Variants in TLK1 observed in about 807,000 individuals in gnomAD.
TLK1 encodes serine/threonine-protein kinase tousled-like 1.
In TLK1, 24 loss-of-function variants were observed where a neutral mutation model predicts 105.3. That is an observed-to-expected ratio of 0.23 (90% confidence interval 0.17 to 0.32). The LOEUF is 0.32. TLK1 is among the 10% of genes least tolerant of loss of function. The probability of loss-of-function intolerance (pLI) is 1.00; values close to 1 mark genes in which losing one functional copy is unlikely to be tolerated. For missense variants in TLK1, 558 were observed against 910.5 expected (o/e 0.61, Z 4.98); for synonymous variants, 321 against 310.4 (o/e 1.03, Z -0.36).
At chr2:171,138,449 T>C (rs1691431236) in intron 1 of TLK1, among the ~76,000 whole-genome samples, 1 of 152,188 alleles carries the variant, frequency 6.6e-6, no homozygotes, top group South Asian at 2.1e-4. Flanking sequence ...GATGGCAGCA[T>C]TTGGAGGACA....
In TLK1 at chr2:171,055,119, A is replaced by C; in HGVS notation, c.603T>G (p.Ile201Met). The change falls in exon 7 of 21, where the codon ATT becomes ATG. Residue 201 changes from isoleucine to methionine, a missense_variant. Ile to Met is a conservative substitution (Grantham distance 10). Around this residue, in one of 5 missense-constraint regions of TLK1, gnomAD observed 196 missense variants for 239.3 expected, o/e 0.82. Transcript: ENST00000431350. ...TAAAGGATAATTGCTTTGGTTGTAC[A>C]ATAGGGTGGTCCCCAAATGCTAATG... ...PTALAFGDHP[I>M]VQPKQLSFKI... 1.3e-6 allele frequency: 2 copies of C among 1,508,346 alleles called. No homozygotes were observed. Among genetic ancestry groups the C allele is most frequent in the Non-Finnish European group, 1.8e-6 (2 of 1,135,074 alleles). The allele number at this position is 1,508,346 out of a possible 1,614,324, so 93.4% of individuals were successfully genotyped here.
intron 1 of TLK1, among the ~76,000 whole-genome samples, chr2:171,126,254 T>C (rs1208958158): frequency 2.0e-5 from 3 of 152,160 alleles, no homozygotes; most frequent in Non-Finnish European, 4.4e-5. Context: ...TCACATTCAA[T>C]ATGATGAAGA....
At chr2:171,024,073 T>C (rs1019881740) in intron 12 of TLK1, among the ~76,000 whole-genome samples, 5 of 152,184 alleles carry the variant, frequency 3.3e-5, no homozygotes, top group African/African-American at 4.8e-5. Context: ...GAAATTAATC[T>C]CTTTACAACT....
At chr2:171,150,382 C>T (rs981338286) in intron 1 of TLK1, among the ~76,000 whole-genome samples, 10 of 152,182 alleles carry the variant, frequency 6.6e-5, no homozygotes, top group African/African-American at 1.7e-4. Context: ...CTAAATGATT[C>T]GCTATAGTTG....
chr2:171,060,822 T>A (rs533655053), intron 4 of TLK1, among the ~76,000 whole-genome samples: 1 of 152,082 alleles, frequency 6.6e-6, no homozygotes, highest in Non-Finnish European at 1.5e-5. Flanking sequence ...ATACAATACA[T>A]ATAAAGAATG....
At chr2:171,055,421 T>C (rs1276796863) in intron 6 of TLK1, among the ~76,000 whole-genome samples, 1 of 151,934 alleles carries the variant, frequency 6.6e-6, no homozygotes, top group African/African-American at 2.4e-5. Flanking sequence ...TCATAGAGCT[T>C]ACATTCTAGT....
At chr2:171,173,554 A>AT (rs954705117) in intron 1 of TLK1, among the ~76,000 whole-genome samples, 4 of 151,106 alleles carry the variant, frequency 2.6e-5, no homozygotes, top group African/African-American at 9.7e-5. Context: ...TGCCCAGCTA[A>AT]TTTTTTTTTC....
chr2:171,227,568 C>CTTTTTTTTTTTTTTTTTTTTTTT (rs71401413), intron 1 of TLK1, among the ~76,000 whole-genome samples: 8 of 55,500 alleles, frequency 1.4e-4, no homozygotes, highest in African/African-American at 2.7e-4. Flanking sequence ...AGTAAATCTC[C>CTTTTTTTTTTTTTTTTTTTTTTT]TTTTTTTTTT....
chr2:171,011,030 G>C (rs1420032854), intron 14 of TLK1, among the ~76,000 whole-genome samples: 1 of 151,984 alleles, frequency 6.6e-6, no homozygotes, highest in East Asian at 1.9e-4. Flanking sequence ...TTTGAGACAG[G>C]GTCTTGCTCT....
chr2:171,012,821 T>C (rs1218968870), intron 13 of TLK1, among the ~76,000 whole-genome samples: 2 of 152,168 alleles, frequency 1.3e-5, no homozygotes, highest in African/African-American at 4.8e-5. Context: ...CAATTGACTC[T>C]AGATTTAGTA....
chr2:171,039,102 A>G (rs1255845191), intron 11 of TLK1, among the ~76,000 whole-genome samples: 1 of 152,034 alleles, frequency 6.6e-6, no homozygotes, highest in East Asian at 1.9e-4. Flanking sequence ...AAATTTTACT[A>G]TGTCTGATTT....
chr2:171,068,568 T>C (rs1026361438), intron 3 of TLK1, among the ~76,000 whole-genome samples: 1 of 152,174 alleles, frequency 6.6e-6, no homozygotes. Flanking sequence ...TATTTAAAGC[T>C]TATGCTGGAA....
intron 1 of TLK1, chr2:171,154,528 A>G (rs1692161979): frequency 6.6e-6 from 1 of 152,208 alleles, no homozygotes; most frequent in South Asian, 2.1e-4. Context: ...GGTTTGTACT[A>G]GATTGCTTCC....
intron 1 of TLK1, among the ~76,000 whole-genome samples, chr2:171,222,740 T>A (rs10930459): frequency 0.68 from 104,054 of 152,094 alleles, 36,793 homozygotes; most frequent in Middle Eastern, 0.83. Flanking sequence ...TTTCTTTGTG[T>A]TAGAAACATT....
At chr2:171,099,493 A>C (rs1455082432) in intron 2 of TLK1, among the ~76,000 whole-genome samples, 2 of 152,186 alleles carry the variant, frequency 1.3e-5, no homozygotes, top group African/African-American at 4.8e-5. Context: ...CTTTTGTTGA[A>C]ATTGACAAAT....
At chr2:171,081,789 G>C in intron 3 of TLK1, 3 of 962,014 alleles carry the variant, frequency 3.1e-6, no homozygotes, top group South Asian at 2.8e-5. Context: ...AGAACTGCAC[G>C]AAACTGTCTA....
At chr2:171,104,180 G>A (rs1689816634) in intron 2 of TLK1, among the ~76,000 whole-genome samples, 1 of 151,828 alleles carries the variant, frequency 6.6e-6, no homozygotes, top group African/African-American at 2.4e-5. Context: ...GGAGGCTGAG[G>A]CATGAGAATT....
rs549232459 is a variant in TLK1 at position 171,108,718 on chromosome 2, C to T, written c.258+9021G>A. On this transcript the variant is annotated intron_variant, in intron 2 of 20. Coordinates refer to ENST00000431350, the MANE Select transcript of TLK1 (RefSeq NM_012290.5). ...TCCTGAGCTCAAGTAATCCTCCCAA[C>T]TCAGCCTCCCAAGAAGCTGGGACCA... is the stretch of plus-strand genomic sequence containing the variant. 4.4e-3 allele frequency among the ~76,000 whole-genome samples: 668 copies of T among 152,164 alleles called. 6 individuals carry two copies. Among genetic ancestry groups the T allele is most frequent in the African/African-American group, 0.015 (607 of 41,504 alleles).
intron 4 of TLK1, 54 bp from the exon 5 acceptor site, chr2:171,058,251 A>T (rs927036102): frequency 1.6e-5 from 24 of 1,505,286 alleles, no homozygotes; most frequent in Non-Finnish European, 2.2e-5. Flanking sequence ...CATCAAAAAA[A>T]TATTAAGAGT....
Sources: allele counts gnomAD v4.1 joint callset (sites outside exome capture counted in the v4.1 genomes callset), GRCh38; gene constraint gnomAD v4.1.1; regional missense constraint gnomAD v4.1.1; transcripts MANE v1.5; gene names NCBI Gene and HGNC (gene_info 2026-07-23, HGNC 2026-07-21).